The following ATXN7 variants were observed in gnomAD, a reference collection of about 807,000 sequenced individuals.
ATXN7 encodes ataxin 7.
In ATXN7, 12 loss-of-function variants were observed where a neutral mutation model predicts 70.5. The ratio of observed to expected loss-of-function variants is 0.17; its 90% CI spans 0.11 to 0.28. The LOEUF is 0.28. Among genes scored for constraint, ATXN7 ranks in the 10% least tolerant of loss-of-function variants. The pLI is 1.00. For synonymous variants in ATXN7, 498 were observed against 448.7 expected (o/e 1.11, Z -1.39); for missense variants, 1,256 against 1,131.7 (o/e 1.11, Z -1.58).
At chr3:63,912,548 C>T (rs778114103) in intron 2 of ATXN7, 40 bp from the exon 3 acceptor site, 284 of 1,099,734 alleles carry the variant, frequency 2.6e-4, no homozygotes, top group Non-Finnish European at 3.0e-4. Flanking sequence ...AAAAACGGCC[C>T]CCGCGCGACT....
intron 5 of ATXN7, among the ~76,000 whole-genome samples, chr3:63,954,053 A>G (rs2074999327): frequency 6.6e-6 from 1 of 152,198 alleles, no homozygotes. Context: ...TTTTCAAGGA[A>G]TAATAAATCC....
chr3:63,869,511 C>T (rs1401024639), intron 1 of ATXN7, among the ~76,000 whole-genome samples: 1 of 152,136 alleles, frequency 6.6e-6, no homozygotes, highest in East Asian at 1.9e-4. Flanking sequence ...GCAACTCCTG[C>T]CTCCCAGGGT....
At chr3:63,980,351 A>G (rs754875857) in intron 6 of ATXN7, 184 bp downstream of exon 6, 14 of 745,140 alleles carry the variant, frequency 1.9e-5, no homozygotes, top group Non-Finnish European at 3.0e-5. Context: ...CAGAGTAGTA[A>G]TAGCAGTGAT....
Position 63,996,391 on chromosome 3 carries a change from G to A in ATXN7, c.2569G>A (p.Ala857Thr). The part of the protein sequence containing the change: ...NNSSSKPTKV[A>T]KVPAVNNVHM... ...CAGCAGCAGCAAACCCACAAAGGTT[G>A]CCAAAGTGCCAGCCGTGAACAATGT... Residue 857 changes from alanine to threonine, a missense_variant, in exon 12 of 13, where the codon GCC becomes ACC. By Grantham distance (58) the Ala-to-Thr change is moderately conservative. Transcript: ENST00000674280. 1.2e-6 allele frequency: 2 copies of A among 1,614,182 alleles called. No individual in the cohort carries two copies. Among genetic ancestry groups the A allele is most frequent in the Non-Finnish European group, 1.7e-6 (2 of 1,180,042 alleles).
At chr3:63,866,417 A>C (rs901300565) in intron 1 of ATXN7, among the ~76,000 whole-genome samples, 1 of 151,864 alleles carries the variant, frequency 6.6e-6, no homozygotes, top group African/African-American at 2.4e-5. Context: ...TGCCTGGCTA[A>C]GTTTTTTATT....
Position 63,995,523 on chromosome 3 carries a change from C to G in ATXN7, c.1701C>G (p.Pro567=), listed in dbSNP as rs2075743125. Residue 567 remains proline (P), a synonymous_variant, in exon 12 of 13, where the codon CCC becomes CCG. Coordinates refer to ENST00000674280, the MANE Select transcript of ATXN7 (RefSeq NM_001377405.1). The part of the protein sequence containing the change: ...AQLWKKIPPV[P]STTSPISTRI... ...TTTTCAGGAAAATCCCACCAGTGCCCAGTACCACCTCACCCATCTCCACAC... is the reference window on the plus strand; with the variant it reads ...TTTTCAGGAAAATCCCACCAGTGCCGAGTACCACCTCACCCATCTCCACAC... The G allele has an allele frequency of 1.9e-6, 3 of 1,614,114 alleles. No individual in the cohort carries two copies. Among genetic ancestry groups the G allele is most frequent in the Non-Finnish European group, 2.5e-6 (3 of 1,180,008 alleles).
chr3:63,947,048 G>A (rs896893146), intron 4 of ATXN7, among the ~76,000 whole-genome samples: 6 of 152,186 alleles, frequency 3.9e-5, no homozygotes, highest in Non-Finnish European at 7.3e-5. Flanking sequence ...TATGAGTCTA[G>A]CAGACCTGGG....
At chr3:63,970,413 A>G (rs2075291931) in intron 5 of ATXN7, among the ~76,000 whole-genome samples, 1 of 152,216 alleles carries the variant, frequency 6.6e-6, no homozygotes, top group Non-Finnish European at 1.5e-5. Context: ...AAAGACAAAA[A>G]AAAAGGGTGT....
At chr3:63,956,158 C>T (rs1419362230) in intron 5 of ATXN7, among the ~76,000 whole-genome samples, 1 of 152,096 alleles carries the variant, frequency 6.6e-6, no homozygotes, top group African/African-American at 2.4e-5. Context: ...CATAGTAATA[C>T]CATGATTTCT....
intron 1 of ATXN7, among the ~76,000 whole-genome samples, chr3:63,875,851 T>G (rs531661652): frequency 6.6e-6 from 1 of 152,224 alleles, no homozygotes; most frequent in Non-Finnish European, 1.5e-5. Flanking sequence ...CCATTACTTT[T>G]AAAGTTTCAT....
intron 4 of ATXN7, among the ~76,000 whole-genome samples, chr3:63,919,302 CA>C (rs527960007): frequency 2.6e-4 from 40 of 152,268 alleles, no homozygotes; most frequent in Non-Finnish European, 4.1e-4. Context: ...TATGACCCAC[CA>C]ATCCCAAAAC....
intron 2 of ATXN7, among the ~76,000 whole-genome samples, chr3:63,911,044 AAAG>A (rs1428321357): frequency 1.3e-5 from 2 of 152,200 alleles, no homozygotes; most frequent in Admixed American, 6.5e-5. Context: ...ACAAAAAAAA[AAAG>A]AATTCCACTT....
chr3:63,999,605 C>G lies in ATXN7; in HGVS notation c.*138C>G. ...GTGGGCCTCAAGGGTAGAAACCTGC[C>G]GGGCTGTTGTTTTAACGAGGATTTC... On this transcript the variant is annotated 3_prime_UTR_variant, in exon 13 of 13. Transcript: ENST00000674280. The G allele has an allele frequency of 6.8e-7, 1 of 1,474,384 alleles. No homozygotes were observed. The highest frequency in any genetic ancestry group is 9.3e-7 in the Non-Finnish European group (1 of 1,075,674). The allele number at this position is 1,474,384 out of a possible 1,614,324, so 91.3% of individuals were successfully genotyped here.
chr3:63,885,436 GATAACAAGT>G (rs1229454455), intron 1 of ATXN7, among the ~76,000 whole-genome samples: 2 of 152,120 alleles, frequency 1.3e-5, no homozygotes, highest in African/African-American at 4.8e-5. Context: ...AAAGACAGAA[GATAACAAGT>G]ATTGGTTAGT....
Position 63,999,880 on chromosome 3 carries a change from ATT to A in ATXN7, c.*421_*422del. 1 of 252,762 alleles carries A rather than the reference ATT, an allele frequency of 4.0e-6. No homozygotes were observed. The highest frequency in any genetic ancestry group is 7.7e-6 in the Non-Finnish European group (1 of 129,428). 15.7% of individuals were successfully genotyped at this position (252,762 alleles called of 1,614,324 possible). On this transcript the variant is annotated 3_prime_UTR_variant, in exon 13 of 13. Coordinates refer to ENST00000674280, the MANE Select transcript of ATXN7 (RefSeq NM_001377405.1). Reference sequence around the variant, plus strand: ...TTTCTCCCTCCTTCCTTTTACTACCATTTTTTTTTAACACTGTCATCTGTAGG... The same window carrying A: ...TTTCTCCCTCCTTCCTTTTACTACCATTTTTTTAACACTGTCATCTGTAGG...
Position 64,000,569 on chromosome 3 carries a change from T to C in ATXN7, c.*1102T>C, listed in dbSNP as rs2075823143. The C allele has an allele frequency of 6.7e-6, 1 of 149,498 alleles. No individual in the cohort carries two copies. The highest frequency in any genetic ancestry group is 2.1e-4 in the South Asian group (1 of 4,690). 9.3% of individuals were successfully genotyped at this position (149,498 alleles called of 1,614,324 possible). ...TTTCTGCTTCAAGCACTTCTGGCAT[T>C]GTGTGTTTTTGTATGCACTCCCCTT... On this transcript the variant is annotated 3_prime_UTR_variant, in exon 13 of 13. Transcript: ENST00000674280.
chr3:63,863,832 A>AGGC (rs1702310805), upstream of ATXN7: 10 of 1,218,592 alleles, frequency 8.2e-6, no homozygotes, highest in South Asian at 3.6e-4. Context: ...GCGCAAGCTG[A>AGGC]GGCGGCGGTT....
chr3:63,867,233 A>G (rs895516000), intron 1 of ATXN7, among the ~76,000 whole-genome samples: 4 of 152,206 alleles, frequency 2.6e-5, no homozygotes, highest in African/African-American at 9.7e-5. Flanking sequence ...TTTCTGGAAG[A>G]GGGTCTGTAG....
chr3:63,965,154 GT>G (rs2075198581), intron 5 of ATXN7, among the ~76,000 whole-genome samples: 2 of 152,126 alleles, frequency 1.3e-5, no homozygotes, highest in Non-Finnish European at 2.9e-5. Flanking sequence ...TTCTGTTTCT[GT>G]TTAACTCCTC....
Sources: gnomAD v4.1 joint callset for allele counts (sites outside exome capture counted in the v4.1 genomes callset) on GRCh38, gnomAD v4.1.1 for gene constraint, MANE v1.5 for transcripts, NCBI Gene and HGNC (gene_info 2026-07-23, HGNC 2026-07-21) for gene names.